Variants in PIK3C2G observed in about 807,000 individuals in gnomAD.
PIK3C2G encodes the protein phosphatidylinositol-4-phosphate 3-kinase catalytic subunit type 2 gamma.
Under a neutral mutation model 181.1 loss-of-function variants are expected in PIK3C2G, and 168 were observed. That is an observed-to-expected ratio of 0.93 (90% CI 0.82 to 1.05). The LOEUF is 1.05. Ranked by LOEUF, PIK3C2G falls within the 50% of genes least tolerant of loss-of-function variation. The pLI, the probability that PIK3C2G is intolerant of heterozygous loss-of-function variation, is 0.00. For synonymous variants in PIK3C2G, 573 were observed against 592.2 expected (o/e 0.97, Z 0.47); for missense variants, 1,869 against 1,732.8 (o/e 1.08, Z -1.40).
chr12:18,371,195 T>C lies in PIK3C2G; in HGVS notation c.1764T>C (p.Leu588=). The C allele has an allele frequency of 6.2e-7, 1 of 1,608,846 alleles. No homozygotes were observed. The highest frequency in any genetic ancestry group is 8.5e-7 in the Non-Finnish European group (1 of 1,177,150). The change falls in exon 13 of 33, where the codon CTT becomes CTC. Residue 588 remains leucine (L), a synonymous_variant. Coordinates refer to ENST00000538779, the MANE Select transcript of PIK3C2G (RefSeq NM_001288772.2). The part of the protein sequence containing the change: ...VNWNETINFP[L]EIKSLPRESM... ...TTATTCTCAGGATCAATTTTCCCCT[T>C]GAAATAAAGTCACTTCCAAGGGAAT...
the PIK3C2G span, among the ~76,000 whole-genome samples, chr12:18,711,614 A>G: frequency 6.6e-6 from 1 of 151,562 alleles, no homozygotes; most frequent in Non-Finnish European, 1.5e-5. Context: ...TGAGAGAAGG[A>G]GAAGTAGGTT....
intron 18 of PIK3C2G, among the ~76,000 whole-genome samples, chr12:18,455,700 G>A (rs1947588033): frequency 6.6e-6 from 1 of 151,972 alleles, no homozygotes; most frequent in Non-Finnish European, 1.5e-5. Flanking sequence ...TTTCTCACAT[G>A]GCCAAAGGGA....
chr12:18,533,050 G>T (rs1046363323), intron 24 of PIK3C2G, among the ~76,000 whole-genome samples: 2 of 151,978 alleles, frequency 1.3e-5, no homozygotes, highest in African/African-American at 2.4e-5. Flanking sequence ...ACATCCCTAG[G>T]TAGTCTGTCT....
intron 16 of PIK3C2G, among the ~76,000 whole-genome samples, chr12:18,420,694 G>A (rs757292680): frequency 1.4e-4 from 22 of 151,960 alleles, no homozygotes; most frequent in Non-Finnish European, 2.6e-4. Context: ...TAAGAAAGCC[G>A]GCAGGAATCA....
intron 18 of PIK3C2G, among the ~76,000 whole-genome samples, chr12:18,427,669 C>G (rs1482301514): frequency 1.3e-5 from 2 of 151,790 alleles, no homozygotes. Flanking sequence ...ACAATGGGTG[C>G]ACACAAAGTG....
chr12:18,361,541 A>C (rs1294455891), intron 11 of PIK3C2G, among the ~76,000 whole-genome samples: 1 of 151,792 alleles, frequency 6.6e-6, no homozygotes, highest in African/African-American at 2.4e-5. Flanking sequence ...CTGAAAAAAA[A>C]AAACCTTCAA....
chr12:18,245,263 C>A (rs1948028086), upstream of PIK3C2G, among the ~76,000 whole-genome samples: 1 of 152,020 alleles, frequency 6.6e-6, no homozygotes, highest in Non-Finnish European at 1.5e-5. Context: ...GTTTTAGAAC[C>A]TCTCATTTCC....
intron 31 of PIK3C2G, among the ~76,000 whole-genome samples, chr12:18,611,411 G>T (rs1948327730): frequency 6.6e-6 from 1 of 152,062 alleles, no homozygotes; most frequent in South Asian, 2.1e-4. Context: ...AACATTGAAA[G>T]ATTTTAGTGC....
rs952066937 is a variant in PIK3C2G at position 18,423,823 on chromosome 12, T to A, written c.2410-122T>A. ...ACTCATAAAATCATCGAATGTGTTATTAGCATTTTGTTAAAATATGCATGC... is the reference window on the plus strand; with the variant it reads ...ACTCATAAAATCATCGAATGTGTTAATAGCATTTTGTTAAAATATGCATGC... On this transcript the variant is annotated intron_variant, in intron 17 of 32. Transcript: ENST00000538779. 9 of 648,524 alleles carry A rather than the reference T, an allele frequency of 1.4e-5. No individual in the cohort carries two copies. In the African/African-American group the frequency reaches 1.5e-4, roughly 10 times the overall value. The allele number at this position is 648,524 out of a possible 1,614,324, so 40.2% of individuals were successfully genotyped here. A position where few individuals can be genotyped will look rare whatever the true frequency, so the allele number is the denominator to read the frequency against.
chr12:18,360,352 T>C (rs1303944934), intron 11 of PIK3C2G, among the ~76,000 whole-genome samples: 1 of 152,220 alleles, frequency 6.6e-6, no homozygotes, highest in Non-Finnish European at 1.5e-5. Context: ...TTTATTGTTG[T>C]AGCTATTTTT....
At chr12:18,441,163 G>A (rs768735082) in intron 18 of PIK3C2G, among the ~76,000 whole-genome samples, 4 of 152,088 alleles carry the variant, frequency 2.6e-5, no homozygotes, top group Non-Finnish European at 4.4e-5. Flanking sequence ...GATCACCTGT[G>A]TCAAATGCTA....
At chr12:18,723,239 A>G in the PIK3C2G span, 913 of 1,354,366 alleles carry the variant, frequency 6.7e-4, 2 homozygotes, top group Middle Eastern at 5.6e-3. Flanking sequence ...CTTTGCTTTG[A>G]AATAATTTTT....
chr12:18,700,163 A>T, the PIK3C2G span, among the ~76,000 whole-genome samples: 3 of 152,168 alleles, frequency 2.0e-5, no homozygotes, highest in Non-Finnish European at 4.4e-5. Flanking sequence ...AAAAATCATG[A>T]TTAATGTAAT....
chr12:18,538,049 GA>G lies in PIK3C2G; in HGVS notation c.3324-97del, dbSNP rs905650131. On this transcript the variant is annotated intron_variant, in intron 24 of 32. Coordinates refer to ENST00000538779, the MANE Select transcript of PIK3C2G (RefSeq NM_001288772.2). ...AAGGAAATTTATCTATTACAGTAGA[GA>G]AAAAAAAAAGAAAATTCAAATGAAA... is the stretch of plus-strand genomic sequence containing the variant. 2,309 of 927,514 alleles carry G rather than the reference GA, an allele frequency of 2.5e-3. 3 individuals are homozygous for G. Among genetic ancestry groups the G allele is most frequent in the African/African-American group, 8.0e-3 (457 of 57,478 alleles). The allele number at this position is 927,514 out of a possible 1,614,324, so 57.5% of individuals were successfully genotyped here.
At chr12:18,298,656 C>A (rs11044013) in intron 5 of PIK3C2G, among the ~76,000 whole-genome samples, 55,500 of 151,474 alleles carry the variant, frequency 0.37, 10,323 homozygotes, top group Non-Finnish European at 0.41. Context: ...CTTATGCTTT[C>A]TTCTAGAAGT....
In PIK3C2G at chr12:18,424,008, CA is replaced by C; in HGVS notation, c.2474del (p.Gln825ArgfsTer13). On this transcript the variant is annotated frameshift_variant, in exon 18 of 33. Transcript: ENST00000538779. LOFTEE classifies it high-confidence loss of function. ...LVQLLLHRSL[Q>X]SIQVAHRLYW... ...GCAACTTCTACTCCACCGCTCCTTG[CA>C]GAGCATCCAGGTTGCCCATCGTCTT... The C allele has an allele frequency of 1.2e-6, 2 of 1,611,030 alleles. No individual in the cohort carries two copies. The highest frequency in any genetic ancestry group is 1.7e-6 in the Non-Finnish European group (2 of 1,178,418).
chr12:18,645,358 G>T (rs1208002065), intron 32 of PIK3C2G, among the ~76,000 whole-genome samples: 1 of 152,116 alleles, frequency 6.6e-6, no homozygotes, highest in Non-Finnish European at 1.5e-5. Context: ...CATCTATAAT[G>T]TGCAATGATT....
intron 31 of PIK3C2G, among the ~76,000 whole-genome samples, chr12:18,617,152 G>GA (rs1243515920): frequency 1.3e-5 from 2 of 152,018 alleles, no homozygotes; most frequent in Non-Finnish European, 2.9e-5. Context: ...GCCATCTGAG[G>GA]AAGCAGTCTA....
At chr12:18,690,797 C>A in the PIK3C2G span, among the ~76,000 whole-genome samples, 5 of 152,018 alleles carry the variant, frequency 3.3e-5, no homozygotes, top group Non-Finnish European at 7.4e-5. Flanking sequence ...CTACGCAATT[C>A]GTGGAGGTGA....
Sources: allele counts gnomAD v4.1 joint callset (sites outside exome capture counted in the v4.1 genomes callset), GRCh38; gene constraint gnomAD v4.1.1; transcripts MANE v1.5; gene names NCBI Gene and HGNC (gene_info 2026-07-23, HGNC 2026-07-21).